Variants in HEMK2 observed in about 807,000 individuals in gnomAD.
HEMK2 encodes the protein methyltransferase HEMK2.
At chr21:28,863,465 T>TATACAC in the HEMK2 span, among the ~76,000 whole-genome samples, 1 of 85,596 alleles carries the variant, frequency 1.2e-5, no homozygotes, top group Non-Finnish European at 2.2e-5. Flanking sequence ...TATATATATA[T>TATACAC]ATATACTTCA....
the HEMK2 span, among the ~76,000 whole-genome samples, chr21:28,702,878 T>C: frequency 6.6e-6 from 1 of 152,184 alleles, no homozygotes; most frequent in Non-Finnish European, 1.5e-5. Context: ...ATTGCAGCAC[T>C]ATTCCCAATA....
chr21:28,807,358 T>C, the HEMK2 span, among the ~76,000 whole-genome samples: 1 of 152,212 alleles, frequency 6.6e-6, no homozygotes. Context: ...CATCTGTGTG[T>C]CCTCTAAATT....
the HEMK2 span, among the ~76,000 whole-genome samples, chr21:28,714,851 C>T: frequency 5.9e-5 from 9 of 152,092 alleles, no homozygotes; most frequent in Non-Finnish European, 1.3e-4. Context: ...TTCATGAGTA[C>T]CCAGTGTTTA....
the HEMK2 span, among the ~76,000 whole-genome samples, chr21:28,848,778 G>C: frequency 0.16 from 24,362 of 152,094 alleles, 2,393 homozygotes; most frequent in East Asian, 0.49. Flanking sequence ...TGTGTGAAAT[G>C]CATTTTTCCA....
At chr21:28,882,929 A>G in the HEMK2 span, 2 of 1,184,292 alleles carry the variant, frequency 1.7e-6, no homozygotes. Context: ...TTATTTCATT[A>G]GAGTTATCAT....
chr21:28,848,418 TC>T, the HEMK2 span, among the ~76,000 whole-genome samples: 1 of 152,118 alleles, frequency 6.6e-6, no homozygotes, highest in South Asian at 2.1e-4. Context: ...TCATTTGATC[TC>T]TTTTTTGTAA....
the HEMK2 span, among the ~76,000 whole-genome samples, chr21:28,650,510 T>C: frequency 6.6e-6 from 1 of 152,106 alleles, no homozygotes; most frequent in Non-Finnish European, 1.5e-5. Flanking sequence ...GCATAATGTA[T>C]GAAGTGACCA....
chr21:28,721,425 T>C, the HEMK2 span, among the ~76,000 whole-genome samples: 1 of 152,204 alleles, frequency 6.6e-6, no homozygotes, highest in African/African-American at 2.4e-5. Flanking sequence ...TGAATAATTT[T>C]TCTATTGATT....
the HEMK2 span, among the ~76,000 whole-genome samples, chr21:28,770,287 A>T: frequency 1.3e-5 from 2 of 152,106 alleles, no homozygotes; most frequent in African/African-American, 4.8e-5. Flanking sequence ...CCTTTCCTTT[A>T]GGATTTTTCC....
At chr21:28,598,976 G>C in the HEMK2 span, among the ~76,000 whole-genome samples, 2,714 of 152,318 alleles carry the variant, frequency 0.018, 108 homozygotes, top group African/African-American at 0.063. Context: ...AAGGATTGAA[G>C]GTAGTGAGGA....
the HEMK2 span, among the ~76,000 whole-genome samples, chr21:28,851,909 T>A: frequency 6.6e-6 from 1 of 152,160 alleles, no homozygotes; most frequent in Admixed American, 6.5e-5. Context: ...AAAAAGTTAT[T>A]TGCCAAGTAC....
chr21:28,866,175 A>AAAAAAAAAAAAAAAAAC, the HEMK2 span, among the ~76,000 whole-genome samples: 30 of 76,234 alleles, frequency 3.9e-4, 9 homozygotes, highest in South Asian at 1.8e-3. Flanking sequence ...CAAAAAAAAA[A>AAAAAAAAAAAAAAAAAC]ACACACACAC....
the HEMK2 span, chr21:28,878,068 A>G: frequency 1.3e-6 from 1 of 785,434 alleles, no homozygotes; most frequent in Non-Finnish European, 1.9e-6. Context: ...AGCTACTGTC[A>G]GTGATTAACT....
the HEMK2 span, among the ~76,000 whole-genome samples, chr21:28,601,608 C>CTT: frequency 3.4e-5 from 3 of 87,724 alleles, no homozygotes; most frequent in Non-Finnish European, 7.0e-5. Context: ...TCTGACATCT[C>CTT]TCTCTCTCTC....
At chr21:28,596,784 G>A in the HEMK2 span, among the ~76,000 whole-genome samples, 1,067 of 152,090 alleles carry the variant, frequency 7.0e-3, 14 homozygotes, top group African/African-American at 0.025. Context: ...GATATTTCAA[G>A]AAATCATTAT....
At chr21:28,756,493 T>C in the HEMK2 span, among the ~76,000 whole-genome samples, 1 of 152,198 alleles carries the variant, frequency 6.6e-6, no homozygotes, top group African/African-American at 2.4e-5. Context: ...ATTTATTTTA[T>C]TCTTTAGCTC....
chr21:28,754,034 G>A, the HEMK2 span, among the ~76,000 whole-genome samples: 10 of 152,080 alleles, frequency 6.6e-5, no homozygotes, highest in African/African-American at 2.2e-4. Context: ...TTCAGTACGT[G>A]TTTGGAGTGA....
chr21:28,734,169 T>C, the HEMK2 span, among the ~76,000 whole-genome samples: 2 of 152,326 alleles, frequency 1.3e-5, no homozygotes, highest in Non-Finnish European at 2.9e-5. Flanking sequence ...TGCCTGATTA[T>C]CTTAGGAATA....
At chr21:28,736,398 T>G in the HEMK2 span, among the ~76,000 whole-genome samples, 1 of 152,206 alleles carries the variant, frequency 6.6e-6, no homozygotes, top group African/African-American at 2.4e-5. Context: ...CTTTCACAGT[T>G]CTCTTAAGTG....
Sources: allele counts gnomAD v4.1 joint callset (sites outside exome capture counted in the v4.1 genomes callset), GRCh38; gene constraint gnomAD v4.1.1; transcripts MANE v1.5; gene names NCBI Gene and HGNC (gene_info 2026-07-23, HGNC 2026-07-21).